Variants in BIRC6 observed in about 807,000 individuals in gnomAD.
BIRC6 encodes the protein baculoviral IAP repeat containing 6.
Under a neutral mutation model 503.3 loss-of-function variants are expected in BIRC6, and 98 were observed. The ratio of observed to expected loss-of-function variants is 0.19; its 90% CI spans 0.17 to 0.23. The LOEUF is 0.23. Ranked by LOEUF, BIRC6 falls within the 10% of genes least tolerant of loss-of-function variation. BIRC6 has a pLI of 1.00. For synonymous variants in BIRC6, 2,240 were observed against 2,078.7 expected (o/e 1.08, Z -2.11); for missense variants, 5,360 against 5,806.0 (o/e 0.92, Z 2.50).
At chr2:32,554,248 A>G (rs1323258818) in intron 65 of BIRC6, among the ~76,000 whole-genome samples, 1 of 152,156 alleles carries the variant, frequency 6.6e-6, no homozygotes, top group Non-Finnish European at 1.5e-5. Flanking sequence ...ATTGAAATAA[A>G]TCTTTACCTT....
At chr2:32,554,523 C>G (rs1194125214) in intron 65 of BIRC6, among the ~76,000 whole-genome samples, 1 of 152,086 alleles carries the variant, frequency 6.6e-6, no homozygotes, top group Non-Finnish European at 1.5e-5. Context: ...GTAAGGTAGA[C>G]ATGAGAGAGC....
At chr2:32,403,787 T>C (rs1371928973) in intron 8 of BIRC6, among the ~76,000 whole-genome samples, 1 of 152,212 alleles carries the variant, frequency 6.6e-6, no homozygotes, top group Non-Finnish European at 1.5e-5. Context: ...CAGTGCCTAT[T>C]ATATAAATAG....
At chr2:32,422,944 T>C (rs558059841) in intron 10 of BIRC6, among the ~76,000 whole-genome samples, 4 of 152,330 alleles carry the variant, frequency 2.6e-5, no homozygotes, top group African/African-American at 7.2e-5. Flanking sequence ...GCTCTCTATT[T>C]TTTTATTTTT....
chr2:32,575,669 G>T (rs2060216848), intron 66 of BIRC6, among the ~76,000 whole-genome samples: 1 of 151,970 alleles, frequency 6.6e-6, no homozygotes, highest in South Asian at 2.1e-4. Context: ...GGAGGCTGAG[G>T]CAGGAGAATG....
In BIRC6 at chr2:32,531,506, T is replaced by C. The variant is rs1283962527; in HGVS notation, c.12246T>C (p.Leu4082=). The C allele has an allele frequency of 3.1e-6, 5 of 1,613,696 alleles. No homozygotes were observed. The highest frequency in any genetic ancestry group is 4.2e-6 in the Non-Finnish European group (5 of 1,179,744). The change falls in exon 61 of 74, where the codon CTT becomes CTC. Residue 4082 remains leucine (L), a synonymous_variant. Coordinates refer to ENST00000421745, the MANE Select transcript of BIRC6 (RefSeq NM_016252.4). ...TTGCAGGAATGGGTGGACTGGCTCT[T>C]ATTGCTGAAAGACTACCCATGCTAT... ...QVFAGMGGLA[L]IAERLPMLYP...
chr2:32,571,378 CTTTTT>C (rs61599835), intron 65 of BIRC6, among the ~76,000 whole-genome samples: 3 of 20,302 alleles, frequency 1.5e-4, no homozygotes, highest in Admixed American at 7.7e-4. Context: ...TGGTCCTGGG[CTTTTT>C]TTTTTTTTTT....
chr2:32,458,829 A>AT (rs1470799599), intron 23 of BIRC6, among the ~76,000 whole-genome samples: 2 of 151,022 alleles, frequency 1.3e-5, no homozygotes, highest in African/African-American at 2.4e-5. Flanking sequence ...GATAGTTGGG[A>AT]TTATAGACAT....
chr2:32,503,547 G>C (rs774887766), intron 49 of BIRC6, among the ~76,000 whole-genome samples: 1 of 151,950 alleles, frequency 6.6e-6, no homozygotes, highest in African/African-American at 2.4e-5. Context: ...TCAGCCTCCC[G>C]AGTAGCTGGG....
In BIRC6 at chr2:32,443,571, C is replaced by G. The variant is rs772373603; in HGVS notation, c.4319C>G (p.Pro1440Arg). 6.2e-7 allele frequency: 1 copy of G among 1,602,662 alleles called. No individual in the cohort carries two copies. Residue 1440 changes from proline to arginine, a missense_variant, in exon 20 of 74, where the codon CCT becomes CGT. Physicochemically the swap from Pro to Arg is moderately radical, Grantham distance 103. This residue lies in a region of BIRC6 where 2,299 missense variants were observed against 2,267.2 expected (regional missense o/e 1.01). Coordinates refer to ENST00000421745, the MANE Select transcript of BIRC6 (RefSeq NM_016252.4). The part of the protein sequence containing the change: ...KALLDNMSFL[P>R]AATTGGSVYW... ...TTACTTGATAATATGTCATTTTTAC[C>G]TGCAGCAACAACTGGTGGTATGTAA... is the stretch of plus-strand genomic sequence containing the variant.
At chr2:32,525,105 C>A in intron 58 of BIRC6, 86 bp downstream of exon 58, 1 of 1,144,284 alleles carries the variant, frequency 8.7e-7, no homozygotes, top group Non-Finnish European at 1.2e-6. Flanking sequence ...TTATGTAATA[C>A]ATTGTACTAA....
intron 13 of BIRC6, among the ~76,000 whole-genome samples, chr2:32,434,286 A>G (rs907855480): frequency 2.0e-5 from 3 of 152,236 alleles, no homozygotes; most frequent in African/African-American, 4.8e-5. Flanking sequence ...TAGAAACTAG[A>G]TGTTACTACT....
intron 8 of BIRC6, among the ~76,000 whole-genome samples, chr2:32,404,289 A>G (rs1485807310): frequency 2.0e-5 from 3 of 151,934 alleles, no homozygotes; most frequent in Non-Finnish European, 4.4e-5. Flanking sequence ...AATTCATGTA[A>G]GTGTACAATT....
At position 32,481,389 on chromosome 2, in the gene BIRC6, A is replaced by T. The variant is rs755517092; in HGVS notation, c.7478A>T (p.Glu2493Val). 2 of 1,612,428 alleles carry T rather than the reference A, an allele frequency of 1.2e-6. No individual in the cohort carries two copies. Among genetic ancestry groups the T allele is most frequent in the Non-Finnish European group, 1.7e-6 (2 of 1,179,090 alleles). Residue 2493 changes from glutamate to valine, a missense_variant, in exon 38 of 74, where the codon GAA (glutamate) becomes GTA (valine). By Grantham distance (121) the Glu-to-Val change is moderately radical. Around this residue, in one of 16 missense-constraint regions of BIRC6, gnomAD observed 2,299 missense variants for 2,267.2 expected, o/e 1.01. Coordinates refer to ENST00000421745, the MANE Select transcript of BIRC6 (RefSeq NM_016252.4). Reference protein sequence around the residue: ...IDLELLQDLMEVDIDPLDIDL... With the variant: ...IDLELLQDLMVVDIDPLDIDL... The stretch of plus-strand genomic sequence containing the variant: ...CTTGAGTTACTTCAGGATCTAATGG[A>T]AGTTGACATTGATCCTTTAGATATT...
At chr2:32,612,910 G>A (rs533388594) in intron 73 of BIRC6, among the ~76,000 whole-genome samples, 11 of 152,206 alleles carry the variant, frequency 7.2e-5, no homozygotes, top group African/African-American at 1.7e-4. Flanking sequence ...TTCTTTCACC[G>A]TCAGACTATA....
chr2:32,358,444 T>G (rs968867083), intron 1 of BIRC6, among the ~76,000 whole-genome samples: 1 of 152,162 alleles, frequency 6.6e-6, no homozygotes, highest in Non-Finnish European at 1.5e-5. Flanking sequence ...GAGTTAGATT[T>G]GGCGGAGATG....
chr2:32,430,531 C>T (rs1242944176), intron 11 of BIRC6, among the ~76,000 whole-genome samples: 1 of 152,082 alleles, frequency 6.6e-6, no homozygotes, highest in African/African-American at 2.4e-5. Flanking sequence ...CATTGGCTTG[C>T]ACTTTAGTAC....
rs189845823 is a variant in BIRC6, at chr2:32,393,937, A to G, written c.952-1574A>G. Among the ~76,000 whole-genome samples, 120 of 134,824 alleles carry G rather than the reference A, an allele frequency of 8.9e-4. 1 individual carries two copies. The East Asian group carries it at 0.021, about 24-fold the overall frequency. The allele number at this position is 134,824 out of a possible 152,430, so 88.4% of individuals were successfully genotyped here. A position where few individuals can be genotyped will look rare whatever the true frequency, so the allele number is the denominator to read the frequency against. Reference sequence around the variant, plus strand: ...TTCTGAACATCTTTACTAAAATTAAACCAGAAAACTATATATATATATATA... The same window carrying G: ...TTCTGAACATCTTTACTAAAATTAAGCCAGAAAACTATATATATATATATA... On this transcript the variant is annotated intron_variant, in intron 5 of 73. Coordinates refer to ENST00000421745, the MANE Select transcript of BIRC6 (RefSeq NM_016252.4).
intron 1 of BIRC6, among the ~76,000 whole-genome samples, chr2:32,367,876 G>A (rs1478992738): frequency 6.6e-6 from 1 of 152,106 alleles, no homozygotes; most frequent in African/African-American, 2.4e-5. Context: ...GTTAAATCAG[G>A]GATGCATCTT....
intron 21 of BIRC6, among the ~76,000 whole-genome samples, chr2:32,447,358 T>C (rs1410930355): frequency 2.0e-3 from 247 of 125,140 alleles, no homozygotes; most frequent in Middle Eastern, 0.013. Context: ...ACCTCCCGGA[T>C]GGGGCGGCTG....
Sources: gnomAD v4.1 joint callset for allele counts (sites outside exome capture counted in the v4.1 genomes callset) on GRCh38, gnomAD v4.1.1 for gene constraint, gnomAD v4.1.1 regional missense constraint, MANE v1.5 for transcripts, NCBI Gene and HGNC (gene_info 2026-07-23, HGNC 2026-07-21) for gene names.